The following FAM178B variants were observed in gnomAD, a reference collection of about 807,000 sequenced individuals.
The protein encoded by FAM178B is family with sequence similarity 178 member B.
Under a neutral mutation model 91.7 loss-of-function variants are expected in FAM178B, and 82 were observed. That is an observed-to-expected ratio of 0.89 (90% CI 0.75 to 1.07). The LOEUF (loss-of-function observed/expected upper bound fraction) is 1.07, where lower values mean the gene tolerates loss of function less well. Ranked by LOEUF, FAM178B falls within the 50% of genes least tolerant of loss-of-function variation. FAM178B has a pLI of 0.00. For missense variants in FAM178B, 769 were observed against 846.7 expected, an observed-to-expected ratio of 0.91 and a Z score of 1.14; for synonymous variants, 368 against 359.4, an observed-to-expected ratio of 1.02 and a Z score of -0.27.
intron 4 of FAM178B, among the ~76,000 whole-genome samples, chr2:96,969,517 C>T (rs2082188877): frequency 6.6e-6 from 1 of 152,206 alleles, no homozygotes; most frequent in African/African-American, 2.4e-5. Context: ...GTGTGCCATC[C>T]TGTTACAGCA....
rs549974170 is a variant in FAM178B at position 96,986,570 on chromosome 2, C to A, written c.-257G>T. 1 of 487,750 alleles carries A rather than the reference C, an allele frequency of 2.1e-6. No homozygotes were observed. The highest frequency in any genetic ancestry group is 2.2e-5 in the South Asian group (1 of 45,918). The allele number at this position is 487,750 out of a possible 1,614,324, so 30.2% of individuals were successfully genotyped here. A position where few individuals can be genotyped will look rare whatever the true frequency, so the allele number is the denominator to read the frequency against. Reference sequence around the variant, plus strand: ...CGCCGCCGCCAGCTGGGGAGCTCGCCGGCCAAGTGCGCACCCTCTTCCTGT... The same window carrying A: ...CGCCGCCGCCAGCTGGGGAGCTCGCAGGCCAAGTGCGCACCCTCTTCCTGT... On this transcript the variant is annotated 5_prime_UTR_variant, in exon 1 of 17. Transcript: ENST00000490605.
At chr2:96,899,545 A>G (rs1297515570) in intron 13 of FAM178B, among the ~76,000 whole-genome samples, 1 of 151,652 alleles carries the variant, frequency 6.6e-6, no homozygotes, top group Non-Finnish European at 1.5e-5. Flanking sequence ...AAGGGGAGGC[A>G]GCGCCACTCC....
At chr2:96,885,013 C>T (rs1057160792) in intron 14 of FAM178B, among the ~76,000 whole-genome samples, 2 of 152,228 alleles carry the variant, frequency 1.3e-5, no homozygotes, top group East Asian at 1.9e-4. Flanking sequence ...AGAGAGCAGA[C>T]GTCTTAGCCA....
intron 7 of FAM178B, among the ~76,000 whole-genome samples, chr2:96,950,855 A>G (rs910350198): frequency 6.6e-6 from 1 of 152,100 alleles, no homozygotes; most frequent in Non-Finnish European, 1.5e-5. Context: ...ACACGCTCAA[A>G]CGCCCAAGCA....
At chr2:96,966,406 T>C (rs997857020) in intron 5 of FAM178B, among the ~76,000 whole-genome samples, 34 of 152,036 alleles carry the variant, frequency 2.2e-4, no homozygotes, top group African/African-American at 8.0e-4. Context: ...TTCCCAGCAC[T>C]CCTTATGCCC....
intron 8 of FAM178B, among the ~76,000 whole-genome samples, chr2:96,941,045 A>C (rs1240596857): frequency 6.6e-6 from 1 of 152,210 alleles, no homozygotes; most frequent in East Asian, 1.9e-4. Flanking sequence ...TTTCAGATGG[A>C]TACTAATGTG....
chr2:96,981,381 G>A (rs1279617735), intron 1 of FAM178B, among the ~76,000 whole-genome samples: 3 of 152,114 alleles, frequency 2.0e-5, no homozygotes, highest in Non-Finnish European at 4.4e-5. Flanking sequence ...GAACCACAAA[G>A]GATCATTTCA....
In FAM178B at chr2:96,877,652, C is replaced by T. The variant is rs577506241; in HGVS notation, c.2007+238G>A. 6.8e-4 allele frequency: 354 copies of T among 518,210 alleles called. 4 individuals are homozygous for T. The highest frequency in any genetic ancestry group is 5.3e-3 in the Middle Eastern group (10 of 1,904). The allele number at this position is 518,210 out of a possible 1,614,324, so 32.1% of individuals were successfully genotyped here. A position where few individuals can be genotyped will look rare whatever the true frequency, so the allele number is the denominator to read the frequency against. On this transcript the variant is annotated intron_variant, in intron 16 of 16. Transcript: ENST00000490605. ...CCTTGTGATCCGCCCGCCTCAGTCTCCCAAAGTGCTGGGATTACAGGCGTG... is the reference window on the plus strand; with the variant it reads ...CCTTGTGATCCGCCCGCCTCAGTCTTCCAAAGTGCTGGGATTACAGGCGTG...
At chr2:96,929,174 G>A (rs747706354) in intron 9 of FAM178B, 32 bp downstream of exon 9, 1 of 1,422,336 alleles carries the variant, frequency 7.0e-7, no homozygotes, top group Non-Finnish European at 9.7e-7. Context: ...AAATATGAAA[G>A]AAAAAGGCAG....
chr2:96,969,242 T>C (rs2082185714), intron 4 of FAM178B, among the ~76,000 whole-genome samples: 1 of 152,220 alleles, frequency 6.6e-6, no homozygotes, highest in Non-Finnish European at 1.5e-5. Context: ...AGAATTCCTA[T>C]GTTGAAGCCC....
intron 1 of FAM178B, 59 bp downstream of exon 1, chr2:96,986,182 G>C (rs2082421092): frequency 6.5e-7 from 1 of 1,531,822 alleles, no homozygotes. Context: ...CAGGGAAGTC[G>C]AGTGCTCTCT....
intron 5 of FAM178B, among the ~76,000 whole-genome samples, chr2:96,965,901 A>T (rs1235964812): frequency 2.0e-5 from 3 of 151,962 alleles, no homozygotes; most frequent in African/African-American, 7.3e-5. Context: ...CTACCCTGAA[A>T]ATACACCCAG....
rs149013838 is a variant in FAM178B at position 96,964,073 on chromosome 2, G to A, written c.734+3447C>T. Among the ~76,000 whole-genome samples, 722 of 152,164 alleles carry A rather than the reference G, an allele frequency of 4.7e-3. 24 individuals carry two copies. The East Asian group carries it at 0.071, about 15-fold the overall frequency. On this transcript the variant is annotated intron_variant, in intron 5 of 16. Coordinates refer to ENST00000490605, the MANE Select transcript of FAM178B (RefSeq NM_001122646.3). Reference sequence around the variant, plus strand: ...CCCACACCTGTAGTCCCAGCTTCTCGGGAGGCTGAAGCATGAGAATCGTTT... The same window carrying A: ...CCCACACCTGTAGTCCCAGCTTCTCAGGAGGCTGAAGCATGAGAATCGTTT...
intron 12 of FAM178B, among the ~76,000 whole-genome samples, chr2:96,905,864 T>A (rs1483221943): frequency 0.028 from 786 of 28,062 alleles, 50 homozygotes; most frequent in African/African-American, 0.032. Context: ...ATATATATTT[T>A]TTTTTTTTTT....
chr2:96,885,596 C>A (rs530421625), intron 14 of FAM178B, among the ~76,000 whole-genome samples: 74 of 152,220 alleles, frequency 4.9e-4, no homozygotes, highest in Non-Finnish European at 9.0e-4. Flanking sequence ...CAGAGCGTCT[C>A]CCCATTCCTC....
chr2:96,908,519 G>C (rs1476162172), intron 12 of FAM178B, among the ~76,000 whole-genome samples: 3 of 152,032 alleles, frequency 2.0e-5, no homozygotes, highest in African/African-American at 7.2e-5. Context: ...GGGCAACATA[G>C]GGAGACCCCA....
intron 14 of FAM178B, 30 bp from the exon 15 acceptor site, chr2:96,878,523 C>T: frequency 3.7e-6 from 6 of 1,607,172 alleles, no homozygotes; most frequent in Non-Finnish European, 5.1e-6. Context: ...AGAGCTGCTT[C>T]TCTAACTCCA....
At chr2:96,970,906 G>A in intron 3 of FAM178B, 129 bp from the exon 4 acceptor site, 6 of 741,326 alleles carry the variant, frequency 8.1e-6, no homozygotes, top group Middle Eastern at 2.7e-4. Flanking sequence ...ATGTTTACAG[G>A]ATTAAAAAAT....
At chr2:96,964,914 G>A (rs901881389) in intron 5 of FAM178B, among the ~76,000 whole-genome samples, 1 of 152,128 alleles carries the variant, frequency 6.6e-6, no homozygotes, top group Admixed American at 6.5e-5. Flanking sequence ...TCCTCCTTGT[G>A]GCTGCCAAAT....
Sources: allele counts gnomAD v4.1 joint callset (sites outside exome capture counted in the v4.1 genomes callset), GRCh38; gene constraint gnomAD v4.1.1; transcripts MANE v1.5; gene names NCBI Gene and HGNC (gene_info 2026-07-23, HGNC 2026-07-21).